SEMA6C: variants seen among roughly 807,000 people sequenced by gnomAD.
SEMA6C encodes semaphorin-6C.
In SEMA6C, 37 loss-of-function variants were observed where a neutral mutation model predicts 72.9. The observed-to-expected ratio is 0.51, with a 90% CI of 0.39 to 0.67. The LOEUF (loss-of-function observed/expected upper bound fraction) is 0.67, where lower values mean the gene tolerates loss of function less well. Among genes scored for constraint, SEMA6C ranks in the 30% least tolerant of loss-of-function variants. SEMA6C has a pLI of 0.00. For synonymous variants in SEMA6C, 578 were observed against 554.1 expected (o/e 1.04, Z -0.61); for missense variants, 1,189 against 1,263.6 (o/e 0.94, Z 0.89).
chr1:151,136,179 G>A lies in SEMA6C; in HGVS notation c.1107-16C>T, dbSNP rs370593018. 58 of 1,612,794 alleles carry A rather than the reference G, an allele frequency of 3.6e-5. No individual in the cohort carries two copies. The highest frequency in any genetic ancestry group is 4.6e-5 in the Non-Finnish European group (54 of 1,179,808). On this transcript the variant is annotated splice_polypyrimidine_tract_variant and intron_variant, in intron 12 of 18. Coordinates refer to ENST00000368914, the MANE Select transcript of SEMA6C (RefSeq NM_030913.6). ...GGATCCTGGCCTGGTGGGTGAATGG[G>A]AAGGGGCTGCCTTTGGACTGGGAGC...
Position 151,136,974 on chromosome 1 carries a change from T to TC in SEMA6C, c.856_857insG (p.Asn286ArgfsTer13). 1 of 1,614,106 alleles carries TC rather than the reference T, an allele frequency of 6.2e-7. No individual in the cohort carries two copies. The highest frequency in any genetic ancestry group is 1.7e-4 in the Middle Eastern group (1 of 6,052). ...AGTAGAGTCCCCAGGGACAGAGCAG[T>TC]TGAGCCGAAGCTTCAGGAAGGATGT... On this transcript the variant is annotated frameshift_variant, in exon 11 of 19. Coordinates refer to ENST00000368914, the MANE Select transcript of SEMA6C (RefSeq NM_030913.6). LOFTEE classifies it high-confidence loss of function.
At chr1:151,139,284 TTC>T in intron 6 of SEMA6C, 139 bp downstream of exon 6, 1 of 750,728 alleles carries the variant, frequency 1.3e-6, no homozygotes, top group Non-Finnish European at 2.3e-6. Flanking sequence ...AAATCAGGAA[TTC>T]TCTTTCCTTC....
chr1:151,137,160 AAG>A, intron 10 of SEMA6C, 86 bp from the exon 11 acceptor site: 1 of 1,282,358 alleles, frequency 7.8e-7, no homozygotes, highest in South Asian at 1.3e-5. Flanking sequence ...TAAGAGCAGT[AAG>A]GGGCTGGGCG....
At chr1:151,142,302 G>A (rs773446287) in intron 3 of SEMA6C, among the ~76,000 whole-genome samples, 2 of 152,142 alleles carry the variant, frequency 1.3e-5, no homozygotes, top group Non-Finnish European at 2.9e-5. Flanking sequence ...ACACGATGCT[G>A]CCTCTAAGTG....
chr1:151,134,560 C>T, intron 17 of SEMA6C, 60 bp downstream of exon 17: 7 of 1,605,278 alleles, frequency 4.4e-6, no homozygotes, highest in Non-Finnish European at 6.0e-6. Flanking sequence ...GGGATGGTGT[C>T]TGTGGCCATC....
chr1:151,139,118 A>G (rs1682308693), intron 6 of SEMA6C, among the ~76,000 whole-genome samples: 1 of 151,662 alleles, frequency 6.6e-6, no homozygotes, highest in South Asian at 2.1e-4. Context: ...AAAAGAAAAG[A>G]AAAGAAAGAA....
chr1:151,133,092 T>C lies in SEMA6C; in HGVS notation c.2185A>G (p.Lys729Glu). 6.4e-7 allele frequency: 1 copy of C among 1,556,436 alleles called. No homozygotes were observed. The highest frequency in any genetic ancestry group is 8.6e-7 in the Non-Finnish European group (1 of 1,163,198). ...CCCCGTGAGCGGCCCGGACCCTCCT[T>C]GGCGTTGTTCCTGTTCTGGTTCCAC... ...WEWNQNRNNA[K>E]EGPGRSRGGH... is the part of the protein sequence containing the mutation. The change falls in exon 19 of 19, where the codon AAG becomes GAG. Residue 729 changes from lysine (K) to glutamate (E), a missense_variant. Around this residue, in one of 2 missense-constraint regions of SEMA6C, gnomAD observed 721 missense variants for 686.2 expected, o/e 1.05. Coordinates refer to ENST00000368914, the MANE Select transcript of SEMA6C (RefSeq NM_030913.6). The surrounding 1 kb of genome is among the most constrained non-coding windows in gnomAD (Gnocchi z 5.9).
In SEMA6C at chr1:151,139,400, T is replaced by G. The variant is rs202214029; in HGVS notation, c.354+25A>C. On this transcript the variant is annotated intron_variant, in intron 6 of 18. Transcript: ENST00000368914. ...GGGGCAGAGTAATCCTCTCCTTCCC[T>G]CCACATTCTCGTCTCACTCCTTACC... 128 of 1,601,392 alleles carry G rather than the reference T, an allele frequency of 8.0e-5. No individual in the cohort carries two copies. The African/African-American group carries it at 1.1e-3, about 14-fold the overall frequency.
rs1443377404 is a variant in SEMA6C at position 151,132,360 on chromosome 1, A to T, written c.*124T>A. 2 of 1,535,440 alleles carry T rather than the reference A, an allele frequency of 1.3e-6. No individual in the cohort carries two copies. Among genetic ancestry groups the T allele is most frequent in the Non-Finnish European group, 1.8e-6 (2 of 1,139,792 alleles). On this transcript the variant is annotated 3_prime_UTR_variant, in exon 19 of 19. Transcript: ENST00000368914. ...CCGAGGCGAAAAGGGGCCTCGGGAG[A>T]CTCTGCGAGTCGGGAAGGCTGGAGG...
At position 151,133,508 on chromosome 1, in the gene SEMA6C, C is replaced by G. The variant is rs767624194; in HGVS notation, c.1769G>C (p.Arg590Pro). The change falls in exon 19 of 19, where the codon CGG becomes CCG. Residue 590 changes from arginine to proline, a missense_variant. By Grantham distance (103) the Arg-to-Pro change is moderately radical. This residue lies in a region of SEMA6C where 721 missense variants were observed against 686.2 expected (regional missense o/e 1.05). Transcript: ENST00000368914. This position sits in a 1 kb window ranked among gnomAD's most constrained non-coding sequence, Gnocchi z 5.9. ...GGAGGCCGAGGCTGGGGGCAGGTCC[C>G]GGCGCACGCCTGCCGACCGAGAGGG... ...GPGDSAYGVR[R>P]DLPPASASRS... 6.6e-6 allele frequency: 10 copies of G among 1,514,940 alleles called. No individual in the cohort carries two copies. The highest frequency in any genetic ancestry group is 8.8e-6 in the Non-Finnish European group (10 of 1,134,392). The allele number at this position is 1,514,940 out of a possible 1,614,324, so 93.8% of individuals were successfully genotyped here. A position where few individuals can be genotyped will look rare whatever the true frequency, so the allele number is the denominator to read the frequency against.
chr1:151,146,053 G>A lies in SEMA6C; in HGVS notation c.-105+380C>T, dbSNP rs587765997. ...TCTTCCCATCCCTTCAGGGGCGTCAGGAGGGTCTAGTTCTCCGTGGGTCTC... is the reference window on the plus strand; with the variant it reads ...TCTTCCCATCCCTTCAGGGGCGTCAAGAGGGTCTAGTTCTCCGTGGGTCTC... On this transcript the variant is annotated intron_variant, in intron 1 of 18. Transcript: ENST00000368914. This position sits in a 1 kb window ranked among gnomAD's most constrained non-coding sequence, Gnocchi z 4.6. 10 of 152,346 alleles carry A rather than the reference G, an allele frequency of 6.6e-5. No homozygotes were observed. Among genetic ancestry groups the A allele is most frequent in the Admixed American group, 4.6e-4 (7 of 15,296 alleles). 9.4% of individuals were successfully genotyped at this position (152,346 alleles called of 1,614,324 possible).
At chr1:151,137,377 C>T (rs1005346698) in intron 10 of SEMA6C, among the ~76,000 whole-genome samples, 1 of 143,230 alleles carries the variant, frequency 7.0e-6, no homozygotes, top group African/African-American at 2.6e-5. Flanking sequence ...AGCCAGGAGG[C>T]GGAGCTTGCA....
chr1:151,142,903 A>G (rs984646809), intron 2 of SEMA6C, among the ~76,000 whole-genome samples: 1 of 152,080 alleles, frequency 6.6e-6, no homozygotes, highest in African/African-American at 2.4e-5. Flanking sequence ...GCATGACCCC[A>G]GGTAAGGACA....
chr1:151,133,013 G>A lies in SEMA6C; in HGVS notation c.2264C>T (p.Pro755Leu), dbSNP rs1323695454. 6 of 1,405,826 alleles carry A rather than the reference G, an allele frequency of 4.3e-6. No individual in the cohort carries two copies. The highest frequency in any genetic ancestry group is 5.6e-6 in the Non-Finnish European group (6 of 1,078,198). The allele number at this position is 1,405,826 out of a possible 1,614,324, so 87.1% of individuals were successfully genotyped here. A position where few individuals can be genotyped will look rare whatever the true frequency, so the allele number is the denominator to read the frequency against. Residue 755 changes from proline to leucine, a missense_variant, in exon 19 of 19, where the codon CCC (proline) becomes CTC (leucine). Around this residue, in one of 2 missense-constraint regions of SEMA6C, gnomAD observed 721 missense variants for 686.2 expected, o/e 1.05. Transcript: ENST00000368914. This position sits in a 1 kb window ranked among gnomAD's most constrained non-coding sequence, Gnocchi z 5.9. ...TTCCACGGCCTGCCCGGGACAGCCG[G>A]GCGGCGGTGGCCTCACCAGCACGCG... Reference protein sequence around the residue: ...APRVLVRPPPPGCPGQAVEVT... With the variant: ...APRVLVRPPPLGCPGQAVEVT...
intron 15 of SEMA6C, 72 bp downstream of exon 15, chr1:151,135,091 G>A: frequency 6.3e-7 from 1 of 1,581,034 alleles, no homozygotes; most frequent in South Asian, 1.2e-5. Flanking sequence ...CCACCCCAAA[G>A]ACCTGTGTTT....
intron 12 of SEMA6C, 74 bp from the exon 13 acceptor site, chr1:151,136,237 C>A: frequency 6.3e-7 from 1 of 1,575,360 alleles, no homozygotes. Flanking sequence ...CCCCCTACTG[C>A]TCCCAAACCT....
rs1298885830 is a variant in SEMA6C at position 151,133,161 on chromosome 1, C to G, written c.2116G>C (p.Glu706Gln). The part of the protein sequence containing the change: ...ACLPTPESTP[E>Q]LPVKHLRAAG... ...GCGCGGAGGTGCTTGACCGGCAGCTCCGGCGTGGACTCGGGGGTGGGCAGG... is the reference window on the plus strand; with the variant it reads ...GCGCGGAGGTGCTTGACCGGCAGCTGCGGCGTGGACTCGGGGGTGGGCAGG... Residue 706 changes from glutamate (E) to glutamine (Q), a missense_variant, in exon 19 of 19, where the codon GAG (glutamate) becomes CAG (glutamine). Glu to Gln is a conservative substitution (Grantham distance 29). This residue lies in a region of SEMA6C where 721 missense variants were observed against 686.2 expected (regional missense o/e 1.05). Coordinates refer to ENST00000368914, the MANE Select transcript of SEMA6C (RefSeq NM_030913.6). This position sits in a 1 kb window ranked among gnomAD's most constrained non-coding sequence, Gnocchi z 5.9. 6.4e-7 allele frequency: 1 copy of G among 1,551,206 alleles called. No homozygotes were observed. The highest frequency in any genetic ancestry group is 8.6e-7 in the Non-Finnish European group (1 of 1,161,962).
At chr1:151,135,078 C>T (rs1681906531) in intron 15 of SEMA6C, 85 bp downstream of exon 15, 1 of 1,564,494 alleles carries the variant, frequency 6.4e-7, no homozygotes, top group Admixed American at 1.8e-5. Flanking sequence ...CTGTGTTTTC[C>T]TGCCACCCCA....
At position 151,132,899 on chromosome 1, in the gene SEMA6C, C is replaced by T. The variant is rs1358117470; in HGVS notation, c.2378G>A (p.Arg793Gln). The change falls in exon 19 of 19, where the codon CGG (arginine) becomes CAG (glutamine). Residue 793 changes from arginine to glutamine, a missense_variant. Physicochemically the swap from Arg to Gln is conservative, Grantham distance 43. Around this residue, in one of 2 missense-constraint regions of SEMA6C, gnomAD observed 721 missense variants for 686.2 expected, o/e 1.05. Transcript: ENST00000368914. ...GAEPPAPLTS[R>Q]ALPPEPAPAL... is the part of the protein sequence containing the mutation. The stretch of plus-strand genomic sequence containing the variant: ...GGGGGCGGGCTCCGGCGGGAGCGCC[C>T]GCGAGGTTAAAGGGGCGGGGGGCTC... The T allele has an allele frequency of 6.7e-6, 9 of 1,338,026 alleles. No individual in the cohort carries two copies. The highest frequency in any genetic ancestry group is 3.8e-6 in the Non-Finnish European group (4 of 1,046,100). 82.9% of individuals were successfully genotyped at this position (1,338,026 alleles called of 1,614,324 possible). A position where few individuals can be genotyped will look rare whatever the true frequency, so the allele number is the denominator to read the frequency against.
Sources: allele counts gnomAD v4.1 joint callset (sites outside exome capture counted in the v4.1 genomes callset), GRCh38; gene constraint gnomAD v4.1.1; regional missense constraint gnomAD v4.1.1; non-coding constraint Gnocchi (gnomAD v3.1); transcripts MANE v1.5; gene names NCBI Gene and HGNC (gene_info 2026-07-23, HGNC 2026-07-21).